The following DNAH17 variants were observed in gnomAD, a reference collection of about 807,000 sequenced individuals.
DNAH17 encodes the protein dynein axonemal heavy chain 17.
Under a neutral mutation model 485.6 loss-of-function variants are expected in DNAH17, and 376 were observed. The observed-to-expected ratio is 0.77, with a 90% confidence interval of 0.71 to 0.84. The LOEUF is 0.84. DNAH17 is among the 40% of genes least tolerant of loss of function. DNAH17 has a pLI of 0.00. For missense variants in DNAH17, 6,370 were observed against 5,839.3 expected (o/e 1.09, Z -2.96); for synonymous variants, 3,031 against 2,405.9 (o/e 1.26, Z -7.60).
rs1411280275 is a variant in DNAH17, at chr17:78,423,740, C to T, written c.*166G>A. ...TTAATCTGCCCCACCTCTTCCACAC[C>T]AACCTCCACCCTCTGGTTCCGATGT... is the stretch of plus-strand genomic sequence containing the variant. On this transcript the variant is annotated 3_prime_UTR_variant, in exon 81 of 81. Coordinates refer to ENST00000389840, the MANE Select transcript of DNAH17 (RefSeq NM_173628.4). The T allele has an allele frequency of 1.1e-6, 1 of 902,388 alleles. No homozygotes were observed. The highest frequency in any genetic ancestry group is 1.7e-6 in the Non-Finnish European group (1 of 596,942). The allele number at this position is 902,388 out of a possible 1,614,324, so 55.9% of individuals were successfully genotyped here.
At position 78,571,293 on chromosome 17, in the gene DNAH17, G is replaced by C. The variant is rs376160363; in HGVS notation, c.818C>G (p.Thr273Ser). 1.9e-6 allele frequency: 3 copies of C among 1,613,424 alleles called. No homozygotes were observed. The highest frequency in any genetic ancestry group is 2.5e-6 in the Non-Finnish European group (3 of 1,179,554). Residue 273 changes from threonine (T) to serine (S), a missense_variant, in exon 5 of 81, where the codon ACC becomes AGC. Transcript: ENST00000389840. The part of the protein sequence containing the change: ...CYWPALQNVY[T>S]NVTEGLKEAN... Reference sequence around the variant, plus strand: ...CACAGGCTCACCTTCAGTGACGTTGGTGTAAACGTTTTGCAGGGCTGGCCA... The same window carrying C: ...CACAGGCTCACCTTCAGTGACGTTGCTGTAAACGTTTTGCAGGGCTGGCCA...
chr17:78,487,326 A>G (rs1201658907), intron 44 of DNAH17, among the ~76,000 whole-genome samples: 5 of 152,164 alleles, frequency 3.3e-5, no homozygotes, highest in Non-Finnish European at 7.4e-5. Flanking sequence ...GATATTTTTA[A>G]AGCTCAGAGA....
chr17:78,490,230 G>A (rs939792796), intron 44 of DNAH17: 5 of 156,266 alleles, frequency 3.2e-5, no homozygotes, highest in African/African-American at 1.2e-4. Flanking sequence ...CTTCCCGTCA[G>A]GAGCAGCCTC....
intron 70 of DNAH17, 114 bp downstream of exon 70, chr17:78,445,444 G>C (rs1598460132): frequency 7.0e-7 from 1 of 1,423,340 alleles, no homozygotes; most frequent in African/African-American, 1.4e-5. Context: ...TTGCTTTACT[G>C]AATTTATGGG....
intron 16 of DNAH17, among the ~76,000 whole-genome samples, chr17:78,546,359 C>G (rs1240092874): frequency 5.9e-5 from 9 of 152,314 alleles, no homozygotes; most frequent in Admixed American, 3.9e-4. Flanking sequence ...TAGCATATAA[C>G]TACATTTTTA....
rs761821695 is a variant in DNAH17, at chr17:78,445,544, G to A, written c.11334+14C>T. On this transcript the variant is annotated intron_variant, in intron 70 of 80. Transcript: ENST00000389840. ...GGGGAGAAAGCACAACGTGTTCAAC[G>A]TCTAAAGACGAACCTTGATCCCGCC... The A allele has an allele frequency of 9.6e-6, 15 of 1,559,718 alleles. No homozygotes were observed. Among genetic ancestry groups the A allele is most frequent in the Non-Finnish European group, 1.3e-5 (15 of 1,151,418 alleles).
At chr17:78,496,092 G>A (rs1420266918) in intron 37 of DNAH17, 60 bp from the exon 38 acceptor site, 11 of 1,555,776 alleles carry the variant, frequency 7.1e-6, no homozygotes, top group Middle Eastern at 1.7e-4. Context: ...ACACACCAGA[G>A]AGGCCTTCAC....
In DNAH17 at chr17:78,537,382, C is replaced by T. The variant is rs752451542; in HGVS notation, c.2776G>A (p.Ala926Thr). ...LEVGSDRGFLALIEGLVNDIY... is the reference protein window; with the variant it reads ...LEVGSDRGFLTLIEGLVNDIY... ...TCGTTGACCAGGCCCTCGATCAGTG[C>T]CAGGAAGCCGCGATCTGAGCCCACC... is the stretch of plus-strand genomic sequence containing the variant. Residue 926 changes from alanine (A) to threonine (T), a missense_variant, in exon 19 of 81, where the codon GCA (alanine) becomes ACA (threonine). Physicochemically the swap from Ala to Thr is moderately conservative, Grantham distance 58. Coordinates refer to ENST00000389840, the MANE Select transcript of DNAH17 (RefSeq NM_173628.4). 3 of 1,612,600 alleles carry T rather than the reference C, an allele frequency of 1.9e-6. No individual in the cohort carries two copies. Among genetic ancestry groups the T allele is most frequent in the Non-Finnish European group, 2.5e-6 (3 of 1,179,558 alleles).
At position 78,571,562 on chromosome 17, in the gene DNAH17, C is replaced by A. The variant is rs759683990; in HGVS notation, c.732+28G>T. 2.5e-6 allele frequency: 4 copies of A among 1,612,332 alleles called. No individual in the cohort carries two copies. The South Asian group carries it at 4.4e-5, about 18-fold the overall frequency. On this transcript the variant is annotated intron_variant, in intron 4 of 80. Coordinates refer to ENST00000389840, the MANE Select transcript of DNAH17 (RefSeq NM_173628.4). ...CGGTCGCCCAGCTGGGACGAGGCTG[C>A]AGCCCCACAGGAGAGAGGAGGCCGT...
chr17:78,443,925 G>A (rs1424118126), intron 71 of DNAH17, among the ~76,000 whole-genome samples: 3 of 152,186 alleles, frequency 2.0e-5, no homozygotes, highest in Non-Finnish European at 2.9e-5. Context: ...AAGGGGAGAA[G>A]CCAGACAGGC....
At chr17:78,535,721 C>A (rs1411174044) in intron 19 of DNAH17, among the ~76,000 whole-genome samples, 1 of 152,200 alleles carries the variant, frequency 6.6e-6, no homozygotes. Flanking sequence ...GGTAAGCACT[C>A]ACCCAGATTT....
intron 19 of DNAH17, among the ~76,000 whole-genome samples, chr17:78,536,094 T>C (rs1438013278): frequency 1.3e-5 from 2 of 151,980 alleles, no homozygotes; most frequent in African/African-American, 2.4e-5. Context: ...CAGAAGGCAG[T>C]GGGAGGCACA....
In DNAH17 at chr17:78,490,498, G is replaced by A. The variant is rs564380938; in HGVS notation, c.6818+201C>T. Among the ~76,000 whole-genome samples, 266 of 152,078 alleles carry A rather than the reference G, an allele frequency of 1.7e-3. 2 individuals are homozygous for A. Among genetic ancestry groups the A allele is most frequent in the Non-Finnish European group, 1.6e-3 (112 of 68,032 alleles). ...TGTGCAAACATCCGTTTGCTCAGCTGCCCTGCCTCGTGTCACTGTGAATTT... is the reference window on the plus strand; with the variant it reads ...TGTGCAAACATCCGTTTGCTCAGCTACCCTGCCTCGTGTCACTGTGAATTT... On this transcript the variant is annotated intron_variant, in intron 44 of 80. Transcript: ENST00000389840.
chr17:78,463,807 T>C (rs1200012675), intron 56 of DNAH17, among the ~76,000 whole-genome samples: 8 of 152,226 alleles, frequency 5.3e-5, no homozygotes, highest in Non-Finnish European at 1.2e-4. Flanking sequence ...GTCTCAGCAA[T>C]GTTAATTTTA....
At chr17:78,459,248 C>T (rs1418069224) in intron 60 of DNAH17, 40 bp from the exon 61 acceptor site, 1 of 1,590,572 alleles carries the variant, frequency 6.3e-7, no homozygotes, top group South Asian at 1.1e-5. Context: ...TCACCCTGTC[C>T]TGCTCTGGCA....
rs548232790 is a variant in DNAH17, at chr17:78,453,571, C to T, written c.10407-106G>A. ...GCCCTCTGAGCGAGACAGCGCCAAGCGAGGGGTGACCTAGGAGCCCACAAC... is the reference window on the plus strand; with the variant it reads ...GCCCTCTGAGCGAGACAGCGCCAAGTGAGGGGTGACCTAGGAGCCCACAAC... On this transcript the variant is annotated intron_variant, in intron 64 of 80. Transcript: ENST00000389840. The T allele has an allele frequency of 1.1e-4, 155 of 1,447,110 alleles. No homozygotes were observed. The African/African-American group carries it at 1.2e-3, about 11-fold the overall frequency. 89.6% of individuals were successfully genotyped at this position (1,447,110 alleles called of 1,614,324 possible).
intron 16 of DNAH17, among the ~76,000 whole-genome samples, chr17:78,548,381 T>A (rs1004924516): frequency 6.6e-6 from 1 of 152,084 alleles, no homozygotes; most frequent in African/African-American, 2.4e-5. Flanking sequence ...ATTTTTTGTA[T>A]TTTTAGTAGA....
In DNAH17 at chr17:78,466,713, G is replaced by A. The variant is rs756884927; in HGVS notation, c.8882C>T (p.Pro2961Leu). The change falls in exon 56 of 81, where the codon CCG becomes CTG. Residue 2961 changes from proline to leucine, a missense_variant. Pro to Leu is a moderately conservative substitution (Grantham distance 98). Coordinates refer to ENST00000389840, the MANE Select transcript of DNAH17 (RefSeq NM_173628.4). ...GCTGACGGACACCAGCGCATCTTCC[G>A]GCCACTCGTGGAACCAGTCGATGGC... is the stretch of plus-strand genomic sequence containing the variant. ...CTAIDWFHEW[P>L]EDALVSVSAR... 2.1e-5 allele frequency: 34 copies of A among 1,612,266 alleles called. No homozygotes were observed. The highest frequency in any genetic ancestry group is 8.9e-5 in the East Asian group (4 of 44,804).
intron 68 of DNAH17, 54 bp downstream of exon 68, chr17:78,450,200 C>A: frequency 6.2e-7 from 1 of 1,604,304 alleles, no homozygotes; most frequent in African/African-American, 1.3e-5. Flanking sequence ...GGCTGTGGAG[C>A]CCAGATGCAG....
Sources: gnomAD v4.1 joint callset for allele counts (sites outside exome capture counted in the v4.1 genomes callset) on GRCh38, gnomAD v4.1.1 for gene constraint, MANE v1.5 for transcripts, NCBI Gene and HGNC (gene_info 2026-07-23, HGNC 2026-07-21) for gene names.